Variants in SGCD observed in about 807,000 individuals in gnomAD.
The protein encoded by SGCD is sarcoglycan delta, also known as delta-sarcoglycan.
Under a neutral mutation model 36.6 loss-of-function variants are expected in SGCD, and 18 were observed. The observed-to-expected ratio is 0.49, with a 90% CI of 0.34 to 0.73. SGCD has a LOEUF of 0.73. Among genes scored for constraint, SGCD ranks in the 30% least tolerant of loss-of-function variants. SGCD has a pLI of 0.01. For synonymous variants in SGCD, 133 were observed against 130.6 expected (o/e 1.02, Z -0.12); for missense variants, 387 against 346.7 (o/e 1.12, Z -0.92).
chr5:156,068,264 C>G (rs1004617838), intron 1 of SGCD, among the ~76,000 whole-genome samples: 2 of 151,590 alleles, frequency 1.3e-5, no homozygotes, highest in African/African-American at 4.9e-5. Flanking sequence ...TAAAGCTATC[C>G]CTCCCCCCTT....
At chr5:156,578,159 C>G (rs9687336) in intron 4 of SGCD, among the ~76,000 whole-genome samples, 4,342 of 152,224 alleles carry the variant, frequency 0.029, 200 homozygotes, top group African/African-American at 0.089. Flanking sequence ...TTTCCTGCAT[C>G]TATTGAGATA....
intron 7 of SGCD, among the ~76,000 whole-genome samples, chr5:156,725,182 T>C (rs1755709367): frequency 1.3e-5 from 2 of 152,132 alleles, no homozygotes; most frequent in South Asian, 4.1e-4. Context: ...TGATCAACAA[T>C]ATGAGTCTGG....
intron 3 of SGCD, among the ~76,000 whole-genome samples, chr5:156,265,840 A>G (rs1201832769): frequency 6.6e-6 from 1 of 152,078 alleles, no homozygotes; most frequent in Non-Finnish European, 1.5e-5. Context: ...GACAATGGAG[A>G]TATCCTGGGA....
chr5:156,613,599 A>G (rs1581257370), intron 6 of SGCD, among the ~76,000 whole-genome samples: 1 of 152,314 alleles, frequency 6.6e-6, no homozygotes, highest in South Asian at 2.1e-4. Flanking sequence ...TGAGATGAAG[A>G]GCATCAGCTG....
At chr5:156,532,689 C>T (rs1757936519) in intron 4 of SGCD, among the ~76,000 whole-genome samples, 1 of 152,126 alleles carries the variant, frequency 6.6e-6, no homozygotes, top group African/African-American at 2.4e-5. Context: ...TCTCCATCTC[C>T]TGACCTCATG....
chr5:156,007,480 G>A (rs1489708424), intron 1 of SGCD, among the ~76,000 whole-genome samples: 2 of 152,194 alleles, frequency 1.3e-5, no homozygotes, highest in Non-Finnish European at 2.9e-5. Flanking sequence ...TTTCCTTCCA[G>A]AAACTGTCAC....
chr5:156,667,432 C>T (rs1753099062), intron 7 of SGCD, among the ~76,000 whole-genome samples: 2 of 152,138 alleles, frequency 1.3e-5, no homozygotes, highest in South Asian at 4.1e-4. Flanking sequence ...CTCTCCCTTT[C>T]CCCACACACC....
chr5:155,810,112 G>A, the SGCD span, among the ~76,000 whole-genome samples: 3 of 152,154 alleles, frequency 2.0e-5, no homozygotes, highest in Non-Finnish European at 4.4e-5. Flanking sequence ...CACGTGCTTT[G>A]ATATTTTTAT....
the SGCD span, among the ~76,000 whole-genome samples, chr5:155,756,223 C>T: frequency 6.6e-6 from 1 of 152,164 alleles, no homozygotes; most frequent in African/African-American, 2.4e-5. Flanking sequence ...GATCAACATG[C>T]AGAAGGTCAG....
chr5:156,635,420 C>T (rs1346022174), intron 6 of SGCD, among the ~76,000 whole-genome samples: 1 of 152,150 alleles, frequency 6.6e-6, no homozygotes, highest in Admixed American at 6.6e-5. Flanking sequence ...AATGGGATCA[C>T]TTTTACACTG....
At chr5:156,401,016 C>T (rs1392865056) in intron 3 of SGCD, among the ~76,000 whole-genome samples, 1 of 152,194 alleles carries the variant, frequency 6.6e-6, no homozygotes, top group Non-Finnish European at 1.5e-5. Context: ...TGCTGATTAA[C>T]CTCCTAGACA....
intron 3 of SGCD, among the ~76,000 whole-genome samples, chr5:156,400,304 G>A (rs1194121030): frequency 6.6e-6 from 1 of 152,168 alleles, no homozygotes; most frequent in Admixed American, 6.6e-5. Context: ...GACACTTGGA[G>A]AAAATATACA....
intron 7 of SGCD, 32 bp from the exon 8 acceptor site, chr5:156,757,549 G>T: frequency 7.5e-7 from 1 of 1,340,962 alleles, no homozygotes; most frequent in Non-Finnish European, 1.0e-6. Flanking sequence ...AAGAAAAAGG[G>T]ATCTTTATTG....
At position 156,760,727 on chromosome 5, in the gene SGCD, C is replaced by T. The variant is rs866512533; in HGVS notation, c.*1337C>T. ...TTCATCATCATGCTCCAGGGTCACC[C>T]TGGCCAGCTCTTGTGCTGGGACAGG... is the stretch of plus-strand genomic sequence containing the variant. On this transcript the variant is annotated 3_prime_UTR_variant, in exon 9 of 9. Transcript: ENST00000337851. 6.5e-6 allele frequency: 1 copy of T among 152,698 alleles called. No homozygotes were observed. Among genetic ancestry groups the T allele is most frequent in the East Asian group, 1.9e-4 (1 of 5,190 alleles). 9.5% of individuals were successfully genotyped at this position (152,698 alleles called of 1,614,324 possible).
Position 156,508,589 on chromosome 5 carries a change from G to A in SGCD, c.193-12G>A. 1 of 1,548,658 alleles carries A rather than the reference G, an allele frequency of 6.5e-7. No homozygotes were observed. On this transcript the variant is annotated splice_polypyrimidine_tract_variant and intron_variant, in intron 3 of 8. Coordinates refer to ENST00000337851, the MANE Select transcript of SGCD (RefSeq NM_000337.6). Reference sequence around the variant, plus strand: ...ATCATATCTTCCTTGTTATCTCTGTGTTCTATTTCAGGATGGAATGGGAAA... The same window carrying A: ...ATCATATCTTCCTTGTTATCTCTGTATTCTATTTCAGGATGGAATGGGAAA...
intron 4 of SGCD, among the ~76,000 whole-genome samples, chr5:156,513,676 T>C (rs1757035603): frequency 6.6e-6 from 1 of 152,246 alleles, no homozygotes; most frequent in African/African-American, 2.4e-5. Context: ...CACACAGTGT[T>C]CAGCACTGTA....
intron 1 of SGCD, among the ~76,000 whole-genome samples, chr5:156,001,708 A>G (rs1561678613): frequency 6.6e-6 from 1 of 152,242 alleles, no homozygotes. Flanking sequence ...ATTTTAAGTG[A>G]AATCTATTAA....
chr5:156,524,160 A>C (rs1757545401), intron 4 of SGCD, among the ~76,000 whole-genome samples: 1 of 112,654 alleles, frequency 8.9e-6, no homozygotes, highest in African/African-American at 3.3e-5. Context: ...TTTTACATAA[A>C]ACTACAGTTT....
Position 156,538,777 on chromosome 5 carries a change from G to A in SGCD, c.294+30075G>A, listed in dbSNP as rs75865580. Among the ~76,000 whole-genome samples, 1,926 of 152,070 alleles carry A rather than the reference G, an allele frequency of 0.013. 93 individuals carry two copies. The East Asian group carries it at 0.17, about 13-fold the overall frequency. On this transcript the variant is annotated intron_variant, in intron 4 of 8. Coordinates refer to ENST00000337851, the MANE Select transcript of SGCD (RefSeq NM_000337.6). ...AGAGAAGAGGAACTGGAGAACAGAG[G>A]CACACCCTCTCCTGTGATATCTTGC...
Sources: allele counts gnomAD v4.1 joint callset (sites outside exome capture counted in the v4.1 genomes callset), GRCh38; gene constraint gnomAD v4.1.1; transcripts MANE v1.5; gene names NCBI Gene and HGNC (gene_info 2026-07-23, HGNC 2026-07-21).